The following SGMS1 variants were observed in gnomAD, a reference collection of about 807,000 sequenced individuals.
SGMS1 encodes the protein phosphatidylcholine:ceramide cholinephosphotransferase 1.
Under a neutral mutation model 46.2 loss-of-function variants are expected in SGMS1, and 13 were observed. The observed-to-expected ratio is 0.28, with a 90% CI of 0.18 to 0.45. The LOEUF is 0.45. Among genes scored for constraint, SGMS1 ranks in the 20% least tolerant of loss-of-function variants. The pLI, the probability that SGMS1 is intolerant of heterozygous loss-of-function variation, is 1.00. For synonymous variants in SGMS1, 203 were observed against 187.8 expected (o/e 1.08, Z -0.66); for missense variants, 324 against 519.9 (o/e 0.62, Z 3.66).
chr10:50,447,726 T>G (rs552342350), intron 5 of SGMS1, among the ~76,000 whole-genome samples: 3 of 152,188 alleles, frequency 2.0e-5, no homozygotes, highest in Non-Finnish European at 4.4e-5. Flanking sequence ...AACTAACATA[T>G]GCATTACCTC....
At chr10:50,443,182 G>T (rs1205945059) in intron 5 of SGMS1, among the ~76,000 whole-genome samples, 1 of 152,144 alleles carries the variant, frequency 6.6e-6, no homozygotes, top group East Asian at 1.9e-4. Flanking sequence ...TTTGACTTTT[G>T]CAACAACCCT....
At chr10:50,462,958 T>A (rs1192738675) in intron 4 of SGMS1, among the ~76,000 whole-genome samples, 4 of 151,710 alleles carry the variant, frequency 2.6e-5, no homozygotes, top group Admixed American at 1.3e-4. Context: ...ACTGAAAAGA[T>A]GGGGGTGGTG....
intron 6 of SGMS1, among the ~76,000 whole-genome samples, chr10:50,378,790 C>T (rs767645318): frequency 6.6e-6 from 1 of 152,142 alleles, no homozygotes; most frequent in Non-Finnish European, 1.5e-5. Flanking sequence ...TTAGTACCTA[C>T]CTGATGTTTA....
intron 6 of SGMS1, among the ~76,000 whole-genome samples, chr10:50,380,378 C>CAAAAAAAAA (rs10646459): frequency 8.2e-6 from 1 of 121,510 alleles, no homozygotes. Context: ...GACTCTGTAT[C>CAAAAAAAAA]AAAAAAAAAA....
intron 1 of SGMS1, among the ~76,000 whole-genome samples, chr10:50,601,218 G>A (rs921952576): frequency 6.6e-6 from 1 of 152,136 alleles, no homozygotes; most frequent in African/African-American, 2.4e-5. Flanking sequence ...AGGATGCAGG[G>A]GTAAGAGGAA....
chr10:50,557,124 T>C (rs1157079123), intron 2 of SGMS1, among the ~76,000 whole-genome samples: 1 of 152,238 alleles, frequency 6.6e-6, no homozygotes, highest in Non-Finnish European at 1.5e-5. Flanking sequence ...GTTAACACGA[T>C]CAGATAATGC....
chr10:50,532,225 CTGTGTGTGTGTGTGTGTGTGTGTGTG>C (rs71029313), intron 2 of SGMS1, among the ~76,000 whole-genome samples: 4 of 130,516 alleles, frequency 3.1e-5, no homozygotes, highest in Non-Finnish European at 4.8e-5. Flanking sequence ...CTGAATGAGA[CTGTGTGTGTGTGTGTGTGTGTGTGTG>C]TGTGTGTGTG....
At chr10:50,515,254 T>C (rs1837791073) in intron 3 of SGMS1, among the ~76,000 whole-genome samples, 1 of 152,138 alleles carries the variant, frequency 6.6e-6, no homozygotes, top group Non-Finnish European at 1.5e-5. Flanking sequence ...CAGAGCCTGG[T>C]CACTTGTCTT....
intron 2 of SGMS1, among the ~76,000 whole-genome samples, chr10:50,560,970 T>A (rs1838231593): frequency 6.6e-6 from 1 of 152,166 alleles, no homozygotes. Context: ...TATATTCACA[T>A]CTTGTTATTT....
At chr10:50,357,049 C>T (rs1848165128) in intron 6 of SGMS1, among the ~76,000 whole-genome samples, 2 of 151,266 alleles carry the variant, frequency 1.3e-5, no homozygotes, top group African/African-American at 4.9e-5. Context: ...CATTGTATAC[C>T]TGTACCCTAA....
chr10:50,459,145 T>C (rs1278471116), intron 5 of SGMS1, among the ~76,000 whole-genome samples: 1 of 152,156 alleles, frequency 6.6e-6, no homozygotes, highest in African/African-American at 2.4e-5. Context: ...CACTCCCGTC[T>C]CCCATGCTAG....
Position 50,343,786 on chromosome 10 carries a change from C to G in SGMS1, c.329G>C (p.Gly110Ala). The stretch of plus-strand genomic sequence containing the variant: ...GATCTTTATCATCTCTTTCCTATAC[C>G]CATTTGGCATCCCGTTGGGTTTAAT... Reference protein sequence around the residue: ...IKIKPNGMPNGYRKEMIKIPM... With the variant: ...IKIKPNGMPNAYRKEMIKIPM... The change falls in exon 7 of 11, where the codon GGG becomes GCG. Residue 110 changes from glycine (G) to alanine (A), a missense_variant. Gly to Ala is a moderately conservative substitution (Grantham distance 60). Coordinates refer to ENST00000361781, the MANE Select transcript of SGMS1 (RefSeq NM_147156.4). 1.2e-6 allele frequency: 2 copies of G among 1,614,124 alleles called. No individual in the cohort carries two copies. The highest frequency in any genetic ancestry group is 1.7e-6 in the Non-Finnish European group (2 of 1,180,016).
In SGMS1 at chr10:50,615,978, A is replaced by T. The variant is rs191653330; in HGVS notation, c.-684+7729T>A. ...CATATTTTTTGTGAAACCCAACAAA[A>T]CTAGGCAGAAACATGGGCTTGCAAA... On this transcript the variant is annotated intron_variant, in intron 1 of 10. Coordinates refer to ENST00000361781, the MANE Select transcript of SGMS1 (RefSeq NM_147156.4). Among the ~76,000 whole-genome samples the T allele has an allele frequency of 6.6e-5, 10 of 152,350 alleles. No homozygotes were observed. In the East Asian group the frequency reaches 1.9e-3, roughly 29 times the overall value.
At chr10:50,360,020 AT>A (rs1163477443) in intron 6 of SGMS1, among the ~76,000 whole-genome samples, 3 of 152,114 alleles carry the variant, frequency 2.0e-5, no homozygotes, top group East Asian at 3.9e-4. Context: ...AGGGGAAAGG[AT>A]TTTTTCCCCC....
At chr10:50,365,608 G>A (rs749189841) in intron 6 of SGMS1, among the ~76,000 whole-genome samples, 4 of 151,794 alleles carry the variant, frequency 2.6e-5, no homozygotes, top group Admixed American at 6.6e-5. Flanking sequence ...GACAGGCCCC[G>A]CTGTGTGTTG....
intron 1 of SGMS1, among the ~76,000 whole-genome samples, chr10:50,604,815 A>C (rs1838680708): frequency 6.6e-6 from 1 of 151,268 alleles, no homozygotes; most frequent in Non-Finnish European, 1.5e-5. Context: ...TAAAAAGACC[A>C]AGACAGACTC....
At chr10:50,417,534 T>C (rs1353583689) in intron 6 of SGMS1, among the ~76,000 whole-genome samples, 1 of 152,148 alleles carries the variant, frequency 6.6e-6, no homozygotes, top group Non-Finnish European at 1.5e-5. Context: ...AGCACAGTTA[T>C]GGAGTAAACA....
intron 2 of SGMS1, among the ~76,000 whole-genome samples, chr10:50,539,872 G>A (rs1032997838): frequency 2.6e-5 from 4 of 152,092 alleles, no homozygotes; most frequent in Non-Finnish European, 5.9e-5. Flanking sequence ...CTGCTGTAAG[G>A]CTCATATATA....
intron 6 of SGMS1, among the ~76,000 whole-genome samples, chr10:50,353,190 T>A (rs1168682667): frequency 1.3e-5 from 2 of 152,272 alleles, no homozygotes; most frequent in Non-Finnish European, 2.9e-5. Context: ...AAATCCTCAA[T>A]AAAATACTGG....
Sources: gnomAD v4.1 joint callset for allele counts (sites outside exome capture counted in the v4.1 genomes callset) on GRCh38, gnomAD v4.1.1 for gene constraint, MANE v1.5 for transcripts, NCBI Gene and HGNC (gene_info 2026-07-23, HGNC 2026-07-21) for gene names.